Variants in PDE1B observed in about 807,000 individuals in gnomAD.
PDE1B encodes dual specificity calcium/calmodulin-dependent 3',5'-cyclic nucleotide phosphodiesterase 1B.
PDE1B carries 13 observed loss-of-function variants against 66.7 expected under a neutral mutation model. The observed-to-expected ratio is 0.19, with a 90% CI of 0.13 to 0.31. The LOEUF (loss-of-function observed/expected upper bound fraction) is 0.31, where lower values mean the gene tolerates loss of function less well. Among genes scored for constraint, PDE1B ranks in the 10% least tolerant of loss-of-function variants. The pLI, the probability that PDE1B is intolerant of heterozygous loss-of-function variation, is 1.00. For missense variants in PDE1B, 485 were observed against 682.3 expected, an observed-to-expected ratio of 0.71 and a Z score of 3.22; for synonymous variants, 230 against 253.9, an observed-to-expected ratio of 0.91 and a Z score of 0.90.
chr12:54,562,845 T>G (rs2121078619), intron 2 of PDE1B, among the ~76,000 whole-genome samples: 1 of 152,132 alleles, frequency 6.6e-6, no homozygotes, highest in East Asian at 1.9e-4. Context: ...TTTTTTCCCC[T>G]CCCTCCCTGC....
intron 13 of PDE1B, 178 bp from the exon 14 acceptor site, chr12:54,576,393 A>G: frequency 1.5e-6 from 1 of 660,184 alleles, no homozygotes; most frequent in Admixed American, 2.9e-5. Flanking sequence ...GTGGAGAGGG[A>G]GGGGTGAAAT....
rs915351225 is a variant in PDE1B, at chr12:54,575,432, G to T, written c.1186-119G>T. ...TCATTTGCATATTACTAATTTCCAGGTCAACAGTGCAGAAATTTCACACAA... is the reference window on the plus strand; with the variant it reads ...TCATTTGCATATTACTAATTTCCAGTTCAACAGTGCAGAAATTTCACACAA... On this transcript the variant is annotated intron_variant, in intron 11 of 15. Coordinates refer to ENST00000243052, the MANE Select transcript of PDE1B (RefSeq NM_000924.4). The surrounding 1 kb of genome is among the most constrained non-coding windows in gnomAD (Gnocchi z 4.0). 1.1e-5 allele frequency: 9 copies of T among 801,122 alleles called. No individual in the cohort carries two copies. Among genetic ancestry groups the T allele is most frequent in the Non-Finnish European group, 1.8e-5 (8 of 456,274 alleles). The allele number at this position is 801,122 out of a possible 1,614,324, so 49.6% of individuals were successfully genotyped here. A position where few individuals can be genotyped will look rare whatever the true frequency, so the allele number is the denominator to read the frequency against.
chr12:54,569,285 G>A lies in PDE1B; in HGVS notation c.329G>A (p.Arg110Gln), dbSNP rs1468310380. 3 of 1,614,016 alleles carry A rather than the reference G, an allele frequency of 1.9e-6. No individual in the cohort carries two copies. Among genetic ancestry groups the A allele is most frequent in the South Asian group, 1.1e-5 (1 of 91,032 alleles). ...GCCTCCACCTTCACCCAGCAGGCCC[G>A]GGCCAAAGGCCGCCGAGCAGAGGAG... ...WLASTFTQQA[R>Q]AKGRRAEEKP... is the part of the protein sequence containing the mutation. The change falls in exon 4 of 16, where the codon CGG becomes CAG. Residue 110 changes from arginine (R) to glutamine (Q), a missense_variant. Coordinates refer to ENST00000243052, the MANE Select transcript of PDE1B (RefSeq NM_000924.4). This position sits in a 1 kb window ranked among gnomAD's most constrained non-coding sequence, Gnocchi z 4.4.
chr12:54,555,449 C>T (rs866019335), intron 2 of PDE1B, among the ~76,000 whole-genome samples: 23 of 152,134 alleles, frequency 1.5e-4, no homozygotes, highest in Non-Finnish European at 4.4e-5. Flanking sequence ...CACCTTTGCC[C>T]AGAGGAAGGC....
At chr12:54,563,798 A>G (rs1206895768) in intron 2 of PDE1B, among the ~76,000 whole-genome samples, 1 of 152,226 alleles carries the variant, frequency 6.6e-6, no homozygotes, top group East Asian at 1.9e-4. Context: ...TGAGGCTCTA[A>G]GATAAACATT....
chr12:54,576,753 G>GAGCACT, intron 14 of PDE1B, 52 bp downstream of exon 14: 1 of 1,545,662 alleles, frequency 6.5e-7, no homozygotes, highest in Non-Finnish European at 8.8e-7. Context: ...GTGGATCATG[G>GAGCACT]AGCACTAGGA....
intron 3 of PDE1B, among the ~76,000 whole-genome samples, 172 bp downstream of exon 3, chr12:54,567,259 C>T (rs183335987): frequency 1.3e-5 from 2 of 152,042 alleles, no homozygotes; most frequent in East Asian, 3.9e-4. Flanking sequence ...AATCCTAGCA[C>T]TTTGGAGGCC....
intron 2 of PDE1B, among the ~76,000 whole-genome samples, chr12:54,565,739 T>C (rs1957501904): frequency 6.6e-6 from 1 of 152,194 alleles, no homozygotes; most frequent in Non-Finnish European, 1.5e-5. Flanking sequence ...AGAACTGGCC[T>C]GTGATGCTTC....
chr12:54,552,333 G>A (rs559358735), intron 2 of PDE1B, among the ~76,000 whole-genome samples: 1 of 152,190 alleles, frequency 6.6e-6, no homozygotes, highest in South Asian at 2.1e-4. Context: ...GGTGGGAAGG[G>A]GTTGCTAAGT....
At chr12:54,564,280 C>T (rs1003034978) in intron 2 of PDE1B, among the ~76,000 whole-genome samples, 2 of 151,168 alleles carry the variant, frequency 1.3e-5, no homozygotes, top group African/African-American at 4.9e-5. Flanking sequence ...CCTCACCTCA[C>T]TGTTCTTCTG....
chr12:54,573,377 A>C lies in PDE1B; in HGVS notation c.859A>C (p.Asn287His). ...TAGGTCAGAATGTGCCATCGTGTAC[A>C]ATGATCGTTCAGTGCTGGAGAATCA... ...QTKSECAIVY[N>H]DRSVLENHHI... The change falls in exon 9 of 16, where the codon AAT (asparagine) becomes CAT (histidine). Residue 287 changes from asparagine (N) to histidine (H), a missense_variant. Asn to His is a moderately conservative substitution (Grantham distance 68). Transcript: ENST00000243052. This position sits in a 1 kb window ranked among gnomAD's most constrained non-coding sequence, Gnocchi z 5.2. The C allele has an allele frequency of 6.2e-7, 1 of 1,614,126 alleles. No homozygotes were observed. The highest frequency in any genetic ancestry group is 8.5e-7 in the Non-Finnish European group (1 of 1,180,000).
Position 54,573,754 on chromosome 12 carries a change from G to T in PDE1B, c.1064+45G>T, listed in dbSNP as rs1795817. The T allele has an allele frequency of 2.9e-3, 4,087 of 1,407,246 alleles. 101 individuals carry two copies. In the African/African-American group the frequency reaches 0.05, roughly 17 times the overall value. The allele number at this position is 1,407,246 out of a possible 1,614,324, so 87.2% of individuals were successfully genotyped here. A position where few individuals can be genotyped will look rare whatever the true frequency, so the allele number is the denominator to read the frequency against. On this transcript the variant is annotated intron_variant, in intron 10 of 15. Coordinates refer to ENST00000243052, the MANE Select transcript of PDE1B (RefSeq NM_000924.4). This position sits in a 1 kb window ranked among gnomAD's most constrained non-coding sequence, Gnocchi z 5.2. Reference sequence around the variant, plus strand: ...GGCTGGGGCCAGGCCAGAGGGAGGGGTGTGTGAACTGGGGGGGTATACACA... The same window carrying T: ...GGCTGGGGCCAGGCCAGAGGGAGGGTTGTGTGAACTGGGGGGGTATACACA...
chr12:54,569,579 C>T lies in PDE1B; in HGVS notation c.444C>T (p.Pro148=), dbSNP rs758494234. 9 of 1,613,888 alleles carry T rather than the reference C, an allele frequency of 5.6e-6. No homozygotes were observed. The East Asian group carries it at 1.8e-4, about 32-fold the overall frequency. Reference sequence around the variant, plus strand: ...GGAGAACATACACCTCTGTGGGCCCCACTTACTCTACTGCGGTTCTCAACT... The same window carrying T: ...GGAGAACATACACCTCTGTGGGCCCTACTTACTCTACTGCGGTTCTCAACT... ...MFRRTYTSVG[P]TYSTAVLNCL... Residue 148 remains proline, a synonymous_variant, in exon 5 of 16, where the codon CCC becomes CCT. Coordinates refer to ENST00000243052, the MANE Select transcript of PDE1B (RefSeq NM_000924.4). The surrounding 1 kb of genome is among the most constrained non-coding windows in gnomAD (Gnocchi z 4.4).
At chr12:54,572,347 T>C (rs1957631179) in intron 6 of PDE1B, 1 of 543,960 alleles carries the variant, frequency 1.8e-6, no homozygotes, top group Admixed American at 2.6e-5. Context: ...ACTTATCTCA[T>C]TAATTTCCAG....
chr12:54,564,415 T>A (rs1426625502), intron 2 of PDE1B, among the ~76,000 whole-genome samples: 2 of 151,482 alleles, frequency 1.3e-5, no homozygotes, highest in Non-Finnish European at 2.9e-5. Context: ...GAGGATCACT[T>A]GAGGCCAGAA....
chr12:54,572,548 C>G (rs545683358), intron 6 of PDE1B, 53 bp from the exon 7 acceptor site: 29 of 1,550,474 alleles, frequency 1.9e-5, no homozygotes, highest in Non-Finnish European at 2.5e-5. Flanking sequence ...TCCGTAATCA[C>G]CACCATTCCT....
chr12:54,570,400 C>T, intron 6 of PDE1B, 43 bp downstream of exon 6: 1 of 1,064,082 alleles, frequency 9.4e-7, no homozygotes, highest in Non-Finnish European at 1.5e-6. Context: ...GGATTCTCCA[C>T]TCCTCTCATG....
intron 10 of PDE1B, chr12:54,574,878 G>A: frequency 2.6e-6 from 1 of 384,432 alleles, no homozygotes; most frequent in South Asian, 3.3e-5. Context: ...GGGAGGCTGA[G>A]GTGGGAGAAT....
At chr12:54,566,936 C>T (rs1323343098) in intron 2 of PDE1B, 38 bp from the exon 3 acceptor site, 1 of 1,079,408 alleles carries the variant, frequency 9.3e-7, no homozygotes, top group Admixed American at 1.8e-5. Context: ...GATAAGGTAG[C>T]TGTGCCTAAG....
Sources: allele counts gnomAD v4.1 joint callset (sites outside exome capture counted in the v4.1 genomes callset), GRCh38; gene constraint gnomAD v4.1.1; non-coding constraint Gnocchi (gnomAD v3.1); transcripts MANE v1.5; gene names NCBI Gene and HGNC (gene_info 2026-07-23, HGNC 2026-07-21).